The following CACNA2D3 variants were observed in gnomAD, a reference collection of about 807,000 sequenced individuals.
CACNA2D3 encodes calcium voltage-gated channel auxiliary subunit alpha2delta 3, also known as voltage-dependent calcium channel subunit alpha-2/delta-3.
In CACNA2D3, 60 loss-of-function variants were observed where a neutral mutation model predicts 160.6. That is an observed-to-expected ratio of 0.37 (90% CI 0.30 to 0.46). CACNA2D3 has a LOEUF of 0.46. Among genes scored for constraint, CACNA2D3 ranks in the 20% least tolerant of loss-of-function variants. CACNA2D3 has a pLI of 1.00. For synonymous variants in CACNA2D3, 558 were observed against 492.9 expected (o/e 1.13, Z -1.75); for missense variants, 1,205 against 1,365.0 (o/e 0.88, Z 1.85).
At chr3:54,710,819 A>G (rs1050960144) in intron 11 of CACNA2D3, among the ~76,000 whole-genome samples, 2 of 152,214 alleles carry the variant, frequency 1.3e-5, no homozygotes, top group Admixed American at 6.5e-5. Context: ...GAGACCTTAC[A>G]ACCATTACTA....
intron 2 of CACNA2D3, among the ~76,000 whole-genome samples, chr3:54,233,285 A>G (rs962197855): frequency 3.3e-5 from 5 of 152,172 alleles, no homozygotes; most frequent in African/African-American, 9.7e-5. Context: ...TCAGGCTGGC[A>G]TGATGTGGAA....
At chr3:54,667,590 A>G (rs1477618878) in intron 11 of CACNA2D3, among the ~76,000 whole-genome samples, 2 of 152,242 alleles carry the variant, frequency 1.3e-5, no homozygotes, top group Non-Finnish European at 2.9e-5. Flanking sequence ...GCTGAGTTAA[A>G]GAAAAGACAC....
At chr3:54,498,450 G>A (rs1236159240) in intron 4 of CACNA2D3, among the ~76,000 whole-genome samples, 2 of 151,554 alleles carry the variant, frequency 1.3e-5, no homozygotes, top group African/African-American at 4.8e-5. Context: ...CCCAGATACT[G>A]GTATTTTCTG....
At chr3:54,654,848 A>G (rs1249023659) in intron 11 of CACNA2D3, among the ~76,000 whole-genome samples, 1 of 152,330 alleles carries the variant, frequency 6.6e-6, no homozygotes, top group East Asian at 1.9e-4. Flanking sequence ...CCCTGCTAGG[A>G]TGAAGGCGTT....
chr3:55,051,760 C>G (rs888498903), intron 35 of CACNA2D3, among the ~76,000 whole-genome samples: 1 of 152,166 alleles, frequency 6.6e-6, no homozygotes, highest in South Asian at 2.1e-4. Context: ...TAGCGAGACT[C>G]CGTGGGCGTA....
intron 2 of CACNA2D3, among the ~76,000 whole-genome samples, chr3:54,281,186 T>C (rs1364012835): frequency 6.6e-6 from 1 of 152,148 alleles, no homozygotes; most frequent in Admixed American, 6.5e-5. Context: ...GGTGATTCAC[T>C]CATCTCCATT....
At chr3:54,511,564 G>C (rs1055461546) in intron 5 of CACNA2D3, among the ~76,000 whole-genome samples, 4 of 152,126 alleles carry the variant, frequency 2.6e-5, no homozygotes, top group African/African-American at 4.8e-5. Flanking sequence ...ACCTAATGAA[G>C]TAATTACTTT....
chr3:54,872,263 T>G (rs1468718553), intron 18 of CACNA2D3, among the ~76,000 whole-genome samples: 1 of 152,116 alleles, frequency 6.6e-6, no homozygotes, highest in African/African-American at 2.4e-5. Context: ...CCCTGTCAGG[T>G]CTTCTTGGTA....
At chr3:54,408,682 A>G (rs1328790014) in intron 4 of CACNA2D3, among the ~76,000 whole-genome samples, 1 of 152,194 alleles carries the variant, frequency 6.6e-6, no homozygotes, top group African/African-American at 2.4e-5. Flanking sequence ...AGCCTCATCC[A>G]TGAATTATTA....
At chr3:54,782,266 A>G (rs1243346450) in intron 13 of CACNA2D3, among the ~76,000 whole-genome samples, 1 of 152,246 alleles carries the variant, frequency 6.6e-6, no homozygotes, top group African/African-American at 2.4e-5. Flanking sequence ...GAAGTATTCT[A>G]CAGTAAATTC....
intron 2 of CACNA2D3, among the ~76,000 whole-genome samples, chr3:54,228,202 G>C (rs1324709417): frequency 6.6e-6 from 1 of 152,158 alleles, no homozygotes; most frequent in Non-Finnish European, 1.5e-5. Flanking sequence ...TGATTTTATA[G>C]ATGAGAAAAC....
chr3:54,521,345 T>C (rs1010552185), intron 5 of CACNA2D3, among the ~76,000 whole-genome samples: 10 of 152,236 alleles, frequency 6.6e-5, no homozygotes, highest in Admixed American at 1.3e-4. Context: ...TTGAATATGC[T>C]CTTTGGAGAA....
At chr3:54,539,929 C>T (rs899505669) in intron 5 of CACNA2D3, among the ~76,000 whole-genome samples, 1 of 152,068 alleles carries the variant, frequency 6.6e-6, no homozygotes, top group Non-Finnish European at 1.5e-5. Context: ...AGAGAGGAAC[C>T]GCCATCCATT....
At chr3:54,249,657 T>C in intron 2 of CACNA2D3, among the ~76,000 whole-genome samples, 1 of 113,274 alleles carries the variant, frequency 8.8e-6, no homozygotes, top group Non-Finnish European at 1.7e-5. Context: ...ATCTCTCTGT[T>C]TACGTACACA....
chr3:54,305,609 G>T (rs7431512), intron 2 of CACNA2D3, among the ~76,000 whole-genome samples: 12,784 of 152,312 alleles, frequency 0.084, 766 homozygotes, highest in South Asian at 0.13. Flanking sequence ...TTGCCCATAG[G>T]CATTGCCTGT....
intron 4 of CACNA2D3, among the ~76,000 whole-genome samples, chr3:54,436,909 A>G (rs1700068618): frequency 6.6e-6 from 1 of 152,192 alleles, no homozygotes. Context: ...AGGTATACAC[A>G]TCAGAAGAAA....
chr3:54,332,217 A>C (rs563407007), intron 3 of CACNA2D3, among the ~76,000 whole-genome samples: 1 of 152,338 alleles, frequency 6.6e-6, no homozygotes, highest in South Asian at 2.1e-4. Flanking sequence ...AATTAGCCCC[A>C]TGTATCCTTC....
chr3:54,801,950 T>G (rs1013470153), intron 13 of CACNA2D3, among the ~76,000 whole-genome samples: 1 of 152,220 alleles, frequency 6.6e-6, no homozygotes, highest in Admixed American at 6.5e-5. Context: ...CATAAGTCTT[T>G]CCAACAAAAT....
chr3:54,467,717 G>A (rs1006933417), intron 4 of CACNA2D3, among the ~76,000 whole-genome samples: 4 of 152,184 alleles, frequency 2.6e-5, no homozygotes, highest in African/African-American at 9.6e-5. Context: ...GTTACCAGAG[G>A]ATGGGAGGGT....
Sources: gnomAD v4.1 joint callset for allele counts (sites outside exome capture counted in the v4.1 genomes callset) on GRCh38, gnomAD v4.1.1 for gene constraint, MANE v1.5 for transcripts, NCBI Gene and HGNC (gene_info 2026-07-23, HGNC 2026-07-21) for gene names.